Variants in SRD5A2 observed in about 807,000 individuals in gnomAD.
SRD5A2 encodes steroid 5 alpha-reductase 2.
A neutral mutation model predicts 27.4 loss-of-function variants in SRD5A2; 30 were observed. The observed-to-expected ratio is 1.10, with a 90% CI of 0.82 to 1.49. The LOEUF (loss-of-function observed/expected upper bound fraction) is 1.49, where lower values mean the gene tolerates loss of function less well. Ranked by LOEUF, SRD5A2 falls within the 40% of genes most tolerant of loss-of-function variation. The probability of loss-of-function intolerance (pLI) is 0.00; values close to 1 mark genes in which losing one functional copy is unlikely to be tolerated. For missense variants in SRD5A2, 348 were observed against 323.4 expected, an observed-to-expected ratio of 1.08 and a Z score of -0.58; for synonymous variants, 141 against 133.6, an observed-to-expected ratio of 1.06 and a Z score of -0.38.
chr2:31,613,276 C>T, the SRD5A2 span, among the ~76,000 whole-genome samples: 9 of 151,750 alleles, frequency 5.9e-5, no homozygotes, highest in East Asian at 7.7e-4. Context: ...TGATAAAGAA[C>T]CAATATAAAA....
chr2:31,528,530 G>A (rs2148062543), intron 4 of SRD5A2, among the ~76,000 whole-genome samples: 1 of 152,310 alleles, frequency 6.6e-6, no homozygotes, highest in Non-Finnish European at 1.5e-5. Context: ...CCCTTTGGGA[G>A]GCCGAGGCAG....
chr2:31,590,569 GA>G, the SRD5A2 span, among the ~76,000 whole-genome samples: 1 of 152,050 alleles, frequency 6.6e-6, no homozygotes, highest in African/African-American at 2.4e-5. Flanking sequence ...CACAGAACTG[GA>G]AAAAACTACT....
chr2:31,591,413 C>T, the SRD5A2 span, among the ~76,000 whole-genome samples: 89 of 152,098 alleles, frequency 5.9e-4, no homozygotes, highest in Middle Eastern at 6.8e-3. Flanking sequence ...GTTAAAATGG[C>T]GATCATTAAA....
At chr2:31,639,578 C>A in the SRD5A2 span, among the ~76,000 whole-genome samples, 1 of 151,802 alleles carries the variant, frequency 6.6e-6, no homozygotes, top group Non-Finnish European at 1.5e-5. Flanking sequence ...AAGAGTTTAT[C>A]TCTCCTTCAT....
chr2:31,585,568 C>A (rs747612723), upstream of SRD5A2, among the ~76,000 whole-genome samples: 1 of 152,196 alleles, frequency 6.6e-6, no homozygotes, highest in Non-Finnish European at 1.5e-5. Flanking sequence ...AGGGAACCCA[C>A]TGCTTTGAAG....
At chr2:31,553,017 C>T (rs1371840466) in intron 1 of SRD5A2, among the ~76,000 whole-genome samples, 1 of 152,020 alleles carries the variant, frequency 6.6e-6, no homozygotes, top group African/African-American at 2.4e-5. Context: ...AACATATGAA[C>T]AACCAAAGGA....
the SRD5A2 span, among the ~76,000 whole-genome samples, chr2:31,596,191 C>A: frequency 7.2e-5 from 11 of 151,974 alleles, no homozygotes; most frequent in Non-Finnish European, 1.5e-4. Flanking sequence ...AGTTTGAGAC[C>A]AGCGTGACCA....
At chr2:31,619,087 G>A in the SRD5A2 span, among the ~76,000 whole-genome samples, 2 of 152,070 alleles carry the variant, frequency 1.3e-5, no homozygotes, top group African/African-American at 4.8e-5. Context: ...GTCACTAAGG[G>A]AATGCAAATC....
At chr2:31,545,312 C>G (rs1281889892) in intron 1 of SRD5A2, among the ~76,000 whole-genome samples, 2 of 151,902 alleles carry the variant, frequency 1.3e-5, no homozygotes, top group African/African-American at 4.8e-5. Context: ...TTATGAACAT[C>G]AAAGCAATTT....
At chr2:31,616,894 TG>T in the SRD5A2 span, among the ~76,000 whole-genome samples, 1 of 152,072 alleles carries the variant, frequency 6.6e-6, no homozygotes, top group Non-Finnish European at 1.5e-5. Flanking sequence ...TATCTTTAAC[TG>T]TAGCTCCCAT....
At chr2:31,564,106 G>T (rs942561417) in intron 1 of SRD5A2, among the ~76,000 whole-genome samples, 1 of 151,972 alleles carries the variant, frequency 6.6e-6, no homozygotes, top group Non-Finnish European at 1.5e-5. Flanking sequence ...TAATTAATCA[G>T]TCAAAACTGA....
At chr2:31,587,292 T>C in the SRD5A2 span, among the ~76,000 whole-genome samples, 2 of 152,206 alleles carry the variant, frequency 1.3e-5, no homozygotes, top group African/African-American at 2.4e-5. Flanking sequence ...AGGAATGCTT[T>C]TACATTGTTG....
intron 1 of SRD5A2, among the ~76,000 whole-genome samples, chr2:31,579,608 C>G (rs1667028740): frequency 6.6e-6 from 1 of 152,240 alleles, no homozygotes; most frequent in African/African-American, 2.4e-5. Context: ...GTATTGTCTT[C>G]TTTCAGTCCC....
intron 1 of SRD5A2, among the ~76,000 whole-genome samples, chr2:31,551,719 C>T (rs1213292783): frequency 6.6e-6 from 1 of 151,696 alleles, no homozygotes; most frequent in Non-Finnish European, 1.5e-5. Flanking sequence ...CATCTGTATA[C>T]AGAAAGTCAA....
chr2:31,635,062 C>T, the SRD5A2 span, among the ~76,000 whole-genome samples: 1 of 152,156 alleles, frequency 6.6e-6, no homozygotes, highest in Non-Finnish European at 1.5e-5. Context: ...ACTGGAATTG[C>T]TGGATTATAT....
chr2:31,559,625 G>A (rs185061102), intron 1 of SRD5A2, among the ~76,000 whole-genome samples: 2 of 152,250 alleles, frequency 1.3e-5, no homozygotes, highest in East Asian at 3.9e-4. Context: ...AAACATAGAT[G>A]TATAAAGTGC....
intron 3 of SRD5A2, among the ~76,000 whole-genome samples, chr2:31,529,980 T>C (rs1665870555): frequency 6.6e-6 from 1 of 152,188 alleles, no homozygotes; most frequent in African/African-American, 2.4e-5. Flanking sequence ...CTCTCCTCTG[T>C]TCATGTTTAA....
chr2:31,555,732 A>T (rs1048791188), intron 1 of SRD5A2, among the ~76,000 whole-genome samples: 1 of 152,174 alleles, frequency 6.6e-6, no homozygotes, highest in African/African-American at 2.4e-5. Context: ...TTTTTCTATC[A>T]CTTGGGACAG....
At chr2:31,585,288 G>A (rs1667156588), upstream of SRD5A2, among the ~76,000 whole-genome samples, 4 of 152,180 alleles carry the variant, frequency 2.6e-5, no homozygotes, top group South Asian at 8.3e-4. Flanking sequence ...ACAGTGGACT[G>A]AGGGGTGCAA....
Sources: gnomAD v4.1 joint callset for allele counts (sites outside exome capture counted in the v4.1 genomes callset) on GRCh38, gnomAD v4.1.1 for gene constraint, MANE v1.5 for transcripts, NCBI Gene and HGNC (gene_info 2026-07-23, HGNC 2026-07-21) for gene names.